The following KIAA1958 variants were observed in gnomAD, a reference collection of about 807,000 sequenced individuals.
The protein encoded by KIAA1958 is KIAA1958, also known as uncharacterized protein KIAA1958.
Under a neutral mutation model 47.2 loss-of-function variants are expected in KIAA1958, and 14 were observed. The observed-to-expected ratio is 0.30, with a 90% CI of 0.20 to 0.46. KIAA1958 has a LOEUF of 0.46. Ranked by LOEUF, KIAA1958 falls within the 20% of genes least tolerant of loss-of-function variation. The pLI, the probability that KIAA1958 is intolerant of heterozygous loss-of-function variation, is 1.00. For missense variants in KIAA1958, 803 were observed against 909.2 expected, an observed-to-expected ratio of 0.88 and a Z score of 1.50; for synonymous variants, 354 against 353.3, an observed-to-expected ratio of 1.00 and a Z score of -0.02.
chr9:112,614,235 G>A (rs538584147), intron 2 of KIAA1958, among the ~76,000 whole-genome samples: 59 of 152,106 alleles, frequency 3.9e-4, no homozygotes, highest in Non-Finnish European at 7.6e-4. Flanking sequence ...TTTCAAGTCA[G>A]GAGAGCGGGT....
At chr9:112,633,166 A>T (rs539615083) in intron 2 of KIAA1958, among the ~76,000 whole-genome samples, 22 of 151,254 alleles carry the variant, frequency 1.5e-4, no homozygotes, top group African/African-American at 5.1e-4. Flanking sequence ...TAACTTACAA[A>T]TAGTAATTTA....
chr9:112,632,487 A>G (rs779351343), intron 2 of KIAA1958, among the ~76,000 whole-genome samples: 1 of 152,178 alleles, frequency 6.6e-6, no homozygotes, highest in Non-Finnish European at 1.5e-5. Context: ...ATCATTCAGT[A>G]TTGGCTGAGA....
intron 2 of KIAA1958, chr9:112,581,877 C>A: frequency 4.4e-6 from 1 of 229,686 alleles, no homozygotes; most frequent in South Asian, 7.3e-5. Flanking sequence ...TTTTCTTGGT[C>A]ACGTCTGAGA....
intron 2 of KIAA1958, among the ~76,000 whole-genome samples, chr9:112,632,526 T>G: frequency 6.6e-6 from 1 of 152,142 alleles, no homozygotes; most frequent in Non-Finnish European, 1.5e-5. Flanking sequence ...CTGGCCAACA[T>G]TTAGATATGG....
At chr9:112,658,283 G>A (rs1837187972) in intron 3 of KIAA1958, among the ~76,000 whole-genome samples, 1 of 151,440 alleles carries the variant, frequency 6.6e-6, no homozygotes, top group Non-Finnish European at 1.5e-5. Context: ...TGTGCAAAAT[G>A]GACATATCAG....
chr9:112,545,199 T>C (rs1835007075), intron 1 of KIAA1958, among the ~76,000 whole-genome samples: 1 of 152,236 alleles, frequency 6.6e-6, no homozygotes, highest in African/African-American at 2.4e-5. Context: ...TCTGCTTGTT[T>C]TGCAGAAAAT....
At chr9:112,566,229 A>T (rs962242606) in intron 1 of KIAA1958, among the ~76,000 whole-genome samples, 1 of 152,030 alleles carries the variant, frequency 6.6e-6, no homozygotes, top group Admixed American at 6.6e-5. Flanking sequence ...AGATTAGTGA[A>T]TATTAATAAA....
intron 3 of KIAA1958, among the ~76,000 whole-genome samples, chr9:112,650,631 A>AG (rs1339255311): frequency 6.6e-6 from 1 of 152,088 alleles, no homozygotes; most frequent in East Asian, 1.9e-4. Context: ...GGAAAAGAAG[A>AG]GGAAAAAAGG....
chr9:112,580,200 A>G (rs1835713362), intron 2 of KIAA1958, among the ~76,000 whole-genome samples: 1 of 152,158 alleles, frequency 6.6e-6, no homozygotes, highest in African/African-American at 2.4e-5. Context: ...TTCCAAGAAC[A>G]TTCTAGGTAT....
At chr9:112,598,546 T>C (rs1836071262) in intron 2 of KIAA1958, among the ~76,000 whole-genome samples, 1 of 152,214 alleles carries the variant, frequency 6.6e-6, no homozygotes, top group Non-Finnish European at 1.5e-5. Flanking sequence ...GGAATTTCTG[T>C]GTCACCCATG....
chr9:112,569,031 G>C (rs931902284), intron 1 of KIAA1958, among the ~76,000 whole-genome samples: 6 of 142,338 alleles, frequency 4.2e-5, no homozygotes, highest in African/African-American at 7.8e-5. Context: ...TAGTCTGTAA[G>C]AACTGGCCGA....
chr9:112,645,874 A>G (rs758889565), intron 3 of KIAA1958, 52 bp downstream of exon 3: 14 of 1,540,690 alleles, frequency 9.1e-6, no homozygotes, highest in Non-Finnish European at 1.2e-5. Context: ...GAGCTTCCAA[A>G]TGCCAGGCAC....
At chr9:112,540,744 T>C (rs1834927208) in intron 1 of KIAA1958, among the ~76,000 whole-genome samples, 1 of 151,382 alleles carries the variant, frequency 6.6e-6, no homozygotes, top group East Asian at 1.9e-4. Flanking sequence ...AGACGGGGTG[T>C]CATTCTGTCA....
intron 1 of KIAA1958, among the ~76,000 whole-genome samples, chr9:112,524,926 A>G (rs1283296353): frequency 2.0e-5 from 3 of 152,146 alleles, no homozygotes; most frequent in Non-Finnish European, 4.4e-5. Flanking sequence ...TGATAATATA[A>G]TTCTGGTTGG....
intron 3 of KIAA1958, among the ~76,000 whole-genome samples, chr9:112,653,333 A>T (rs770457099): frequency 2.6e-5 from 4 of 152,208 alleles, no homozygotes; most frequent in Non-Finnish European, 5.9e-5. Context: ...CAGGTTACAG[A>T]AATAGGGTGT....
chr9:112,651,787 G>T (rs62575205), intron 3 of KIAA1958, among the ~76,000 whole-genome samples: 9,218 of 152,156 alleles, frequency 0.061, 369 homozygotes, highest in East Asian at 0.094. Flanking sequence ...GGACCAAGAA[G>T]AAATCACAAA....
At position 112,669,339 on chromosome 9, in the gene KIAA1958, G is replaced by A. The variant is rs1403566739; in HGVS notation, c.*9270G>A. The A allele has an allele frequency of 6.6e-6, 1 of 152,206 alleles. No individual in the cohort carries two copies. The highest frequency in any genetic ancestry group is 1.5e-5 in the Non-Finnish European group (1 of 68,036). The allele number at this position is 152,206 out of a possible 1,614,324, so 9.4% of individuals were successfully genotyped here. On this transcript the variant is annotated 3_prime_UTR_variant, in exon 4 of 4. Coordinates refer to ENST00000337530, the MANE Select transcript of KIAA1958 (RefSeq NM_133465.4). ...GTTGTTGTTGTTTGGGTTCACTTAT[G>A]TATATGCAGCTTGACTGTTCAACCC... is the stretch of plus-strand genomic sequence containing the variant.
At chr9:112,642,722 T>G (rs1836913215) in intron 2 of KIAA1958, among the ~76,000 whole-genome samples, 1 of 152,240 alleles carries the variant, frequency 6.6e-6, no homozygotes, top group South Asian at 2.1e-4. Context: ...GTTACTACCT[T>G]TGTTTGTTTC....
intron 1 of KIAA1958, among the ~76,000 whole-genome samples, chr9:112,526,764 G>A (rs907632847): frequency 6.6e-6 from 1 of 152,312 alleles, no homozygotes; most frequent in Admixed American, 6.5e-5. Flanking sequence ...GGCCTAGTCA[G>A]CTCTTAAAGG....
Sources: gnomAD v4.1 joint callset for allele counts (sites outside exome capture counted in the v4.1 genomes callset) on GRCh38, gnomAD v4.1.1 for gene constraint, MANE v1.5 for transcripts, NCBI Gene and HGNC (gene_info 2026-07-23, HGNC 2026-07-21) for gene names.